ZBTB20: variants seen among roughly 807,000 people sequenced by gnomAD.
The protein encoded by ZBTB20 is zinc finger and BTB domain containing 20.
Under a neutral mutation model 56.9 loss-of-function variants are expected in ZBTB20, and 9 were observed. The observed-to-expected ratio is 0.16, with a 90% CI of 0.10 to 0.28. The LOEUF is 0.28. Among genes scored for constraint, ZBTB20 ranks in the 10% least tolerant of loss-of-function variants. ZBTB20 has a pLI of 1.00. For synonymous variants in ZBTB20, 417 were observed against 420.7 expected, an observed-to-expected ratio of 0.99 and a Z score of 0.11; for missense variants, 655 against 1,003.0, an observed-to-expected ratio of 0.65 and a Z score of 4.69.
chr3:115,115,746 T>G (rs1560584174), intron 1 of ZBTB20, among the ~76,000 whole-genome samples: 1 of 152,060 alleles, frequency 6.6e-6, no homozygotes, highest in Non-Finnish European at 1.5e-5. Flanking sequence ...AAATATTAAT[T>G]TAATGATTTT....
intron 6 of ZBTB20, among the ~76,000 whole-genome samples, chr3:114,686,457 T>G (rs2062349732): frequency 6.6e-6 from 1 of 152,158 alleles, no homozygotes; most frequent in African/African-American, 2.4e-5. Flanking sequence ...ATCCAATGCT[T>G]TTGTGAAGTA....
rs547714252 is a variant in ZBTB20, at chr3:114,407,287, C to CA, written c.-254-18183dup. Among the ~76,000 whole-genome samples, 430 of 152,312 alleles carry CA rather than the reference C, an allele frequency of 2.8e-3. 4 individuals are homozygous for CA. Among genetic ancestry groups the CA allele is most frequent in the African/African-American group, 9.6e-3 (400 of 41,580 alleles). On this transcript the variant is annotated intron_variant, in intron 7 of 11. Transcript: ENST00000675478. ...ACTCATTTGGACACTTGAAGGTCTT[C>CA]AGTTACTTCTTTGCTCAGGGTTGTA... is the stretch of plus-strand genomic sequence containing the variant.
intron 4 of ZBTB20, among the ~76,000 whole-genome samples, chr3:114,841,795 C>A (rs1374866627): frequency 1.3e-5 from 2 of 152,042 alleles, no homozygotes; most frequent in Admixed American, 1.3e-4. Context: ...CAGAGAGAAG[C>A]CTGAGCTGGA....
chr3:114,635,585 T>TTA (rs2059217287), intron 6 of ZBTB20, among the ~76,000 whole-genome samples: 1 of 151,854 alleles, frequency 6.6e-6, no homozygotes, highest in Non-Finnish European at 1.5e-5. Flanking sequence ...AATGAGAAGT[T>TTA]AAATAAAGAG....
At position 114,316,455 on chromosome 3, in the gene ZBTB20, T is replaced by C. The variant is rs755602661; in HGVS notation, c.*22550A>G. On this transcript the variant is annotated 3_prime_UTR_variant, in exon 12 of 12. Transcript: ENST00000675478. ...GTAATGAGCATCTGATTTTGTTATG[T>C]GCATGTGTGTATATATGCACATATA... 3 of 484,186 alleles carry C rather than the reference T, an allele frequency of 6.2e-6. No homozygotes were observed. Among genetic ancestry groups the C allele is most frequent in the Non-Finnish European group, 4.2e-6 (1 of 235,868 alleles). 30.0% of individuals were successfully genotyped at this position (484,186 alleles called of 1,614,324 possible). A position where few individuals can be genotyped will look rare whatever the true frequency, so the allele number is the denominator to read the frequency against.
At chr3:114,793,596 G>C (rs201081244) in intron 5 of ZBTB20, among the ~76,000 whole-genome samples, 1 of 151,968 alleles carries the variant, frequency 6.6e-6, no homozygotes, top group East Asian at 1.9e-4. Flanking sequence ...ACCTCTCAAC[G>C]CACTCTCTCT....
intron 4 of ZBTB20, among the ~76,000 whole-genome samples, chr3:114,890,551 T>C (rs2076767680): frequency 1.3e-5 from 2 of 151,918 alleles, no homozygotes; most frequent in Non-Finnish European, 2.9e-5. Context: ...AATTGAACAA[T>C]GAGAACACTT....
chr3:114,389,241 G>A (rs1027701100), intron 7 of ZBTB20, 136 bp from the exon 8 acceptor site: 2 of 152,268 alleles, frequency 1.3e-5, no homozygotes, highest in African/African-American at 4.8e-5. Flanking sequence ...TTGCACCAGA[G>A]AATGGCGAGG....
intron 1 of ZBTB20, among the ~76,000 whole-genome samples, chr3:115,141,030 A>G (rs2084798239): frequency 6.6e-6 from 1 of 152,112 alleles, no homozygotes. Context: ...TGCTATAAAT[A>G]ATTTCTTGTG....
At chr3:114,556,215 T>C (rs2051202494) in intron 6 of ZBTB20, among the ~76,000 whole-genome samples, 1 of 152,090 alleles carries the variant, frequency 6.6e-6, no homozygotes, top group African/African-American at 2.4e-5. Flanking sequence ...AACAGTTATG[T>C]GGTATGAACT....
intron 7 of ZBTB20, among the ~76,000 whole-genome samples, chr3:114,441,746 C>A (rs1016233097): frequency 6.6e-6 from 1 of 152,026 alleles, no homozygotes; most frequent in Non-Finnish European, 1.5e-5. Context: ...TCATAATGAA[C>A]ATATTCAACA....
intron 3 of ZBTB20, among the ~76,000 whole-genome samples, chr3:114,958,358 T>G (rs1209086190): frequency 6.6e-6 from 1 of 152,228 alleles, no homozygotes; most frequent in Non-Finnish European, 1.5e-5. Context: ...CCATCTACTA[T>G]CCTCATCCAT....
chr3:114,596,286 T>G (rs2056308343), intron 6 of ZBTB20, among the ~76,000 whole-genome samples: 1 of 152,198 alleles, frequency 6.6e-6, no homozygotes, highest in East Asian at 1.9e-4. Context: ...TAAAAAGTAC[T>G]GCCTATATGC....
chr3:114,819,219 T>C (rs1474182144), intron 4 of ZBTB20, among the ~76,000 whole-genome samples: 8 of 151,962 alleles, frequency 5.3e-5, no homozygotes, highest in African/African-American at 1.9e-4. Flanking sequence ...TACAATCTAT[T>C]TATGTATGAA....
chr3:114,983,171 T>C (rs1030384545), intron 2 of ZBTB20, among the ~76,000 whole-genome samples: 6 of 151,992 alleles, frequency 3.9e-5, no homozygotes, highest in African/African-American at 1.4e-4. Context: ...ATATACATTG[T>C]TTCAGCAAAC....
chr3:115,088,578 A>G (rs985556704), intron 1 of ZBTB20, among the ~76,000 whole-genome samples: 48 of 151,898 alleles, frequency 3.2e-4, no homozygotes, highest in African/African-American at 1.1e-3. Context: ...ATTTTACTGC[A>G]TATCAATAAT....
intron 7 of ZBTB20, among the ~76,000 whole-genome samples, chr3:114,465,705 T>C (rs1281738553): frequency 1.3e-5 from 2 of 150,470 alleles, no homozygotes; most frequent in Non-Finnish European, 3.0e-5. Flanking sequence ...AGATTCTGTC[T>C]TAAAAAAAAA....
At chr3:114,461,436 G>A (rs966408442) in intron 7 of ZBTB20, among the ~76,000 whole-genome samples, 5 of 151,922 alleles carry the variant, frequency 3.3e-5, no homozygotes, top group African/African-American at 1.2e-4. Flanking sequence ...CAGAGTAGCT[G>A]GGTGTGACCA....
At chr3:114,528,489 T>C (rs1478845294) in intron 6 of ZBTB20, 1 of 152,202 alleles carries the variant, frequency 6.6e-6, no homozygotes, top group Non-Finnish European at 1.5e-5. Flanking sequence ...TGAATTATGA[T>C]AGATGTTTTA....
Sources: gnomAD v4.1 joint callset for allele counts (sites outside exome capture counted in the v4.1 genomes callset) on GRCh38, gnomAD v4.1.1 for gene constraint, MANE v1.5 for transcripts, NCBI Gene and HGNC (gene_info 2026-07-23, HGNC 2026-07-21) for gene names.